The following NIBAN2 variants were observed in gnomAD, a reference collection of about 807,000 sequenced individuals.
The protein encoded by NIBAN2 is protein Niban 2.
NIBAN2 carries 36 observed loss-of-function variants against 81.8 expected under a neutral mutation model. The ratio of observed to expected loss-of-function variants is 0.44; its 90% CI spans 0.34 to 0.58. NIBAN2 has a LOEUF of 0.58. Ranked by LOEUF, NIBAN2 falls within the 20% of genes least tolerant of loss-of-function variation. NIBAN2 has a pLI of 0.02. For synonymous variants in NIBAN2, 445 were observed against 441.6 expected (o/e 1.01, Z -0.10); for missense variants, 897 against 1,014.1 (o/e 0.88, Z 1.57).
chr9:127,525,519 G>A (rs778068108), intron 3 of NIBAN2, among the ~76,000 whole-genome samples: 15 of 152,102 alleles, frequency 9.9e-5, no homozygotes, highest in Non-Finnish European at 1.9e-4. Context: ...AACAAAACCA[G>A]GGTAATAACC....
At chr9:127,520,102 C>A (rs1183106478) in intron 5 of NIBAN2, among the ~76,000 whole-genome samples, 1 of 152,192 alleles carries the variant, frequency 6.6e-6, no homozygotes, top group African/African-American at 2.4e-5. Flanking sequence ...TTCAGGGTCA[C>A]CCCTCCTGAG....
At chr9:127,555,794 G>A (rs1272849779) in intron 1 of NIBAN2, among the ~76,000 whole-genome samples, 1 of 152,222 alleles carries the variant, frequency 6.6e-6, no homozygotes, top group African/African-American at 2.4e-5. Flanking sequence ...TTTCTTTATA[G>A]CAATTCGCCC....
At position 127,545,722 on chromosome 9, in the gene NIBAN2, A is replaced by G. The variant is rs1046070099; in HGVS notation, c.56-13944T>C. 1.3e-5 allele frequency among the ~76,000 whole-genome samples: 2 copies of G among 152,138 alleles called. No homozygotes were observed. Among genetic ancestry groups the G allele is most frequent in the African/African-American group, 4.8e-5 (2 of 41,428 alleles). On this transcript the variant is annotated intron_variant, in intron 1 of 13. Transcript: ENST00000373312. The surrounding 1 kb of genome is among the most constrained non-coding windows in gnomAD (Gnocchi z 4.7). ...GAGGAGAGGGCGGGGCTGAGGCGGG[A>G]GCCCAGAGAAATGCACCCAAAAAAA...
Position 127,536,081 on chromosome 9 carries a change from C to T in NIBAN2, c.56-4303G>A, listed in dbSNP as rs1180669102. The stretch of plus-strand genomic sequence containing the variant: ...AAAGGGAGGACCATGGGAAACAGGG[C>T]CACGGATGGCTCCTTGGCAGGGGTA... On this transcript the variant is annotated intron_variant, in intron 1 of 13. Coordinates refer to ENST00000373312, the MANE Select transcript of NIBAN2 (RefSeq NM_022833.4). This position sits in a 1 kb window ranked among gnomAD's most constrained non-coding sequence, Gnocchi z 4.0. Among the ~76,000 whole-genome samples, 1 of 152,124 alleles carries T rather than the reference C, an allele frequency of 6.6e-6. No individual in the cohort carries two copies. The highest frequency in any genetic ancestry group is 1.5e-5 in the Non-Finnish European group (1 of 68,036).
chr9:127,508,351 G>A lies in NIBAN2; in HGVS notation c.1434+71C>T. ...TCCTTGCAGGGACAGCAATCCTGGT[G>A]GTGGCCGGGGATGAGGCTCGGGGCT... On this transcript the variant is annotated intron_variant, in intron 11 of 13. Transcript: ENST00000373312. This position sits in a 1 kb window ranked among gnomAD's most constrained non-coding sequence, Gnocchi z 6.4. 3.5e-6 allele frequency: 5 copies of A among 1,418,802 alleles called. No individual in the cohort carries two copies. The highest frequency in any genetic ancestry group is 4.9e-6 in the Non-Finnish European group (5 of 1,013,192). 87.9% of individuals were successfully genotyped at this position (1,418,802 alleles called of 1,614,324 possible).
intron 1 of NIBAN2, among the ~76,000 whole-genome samples, chr9:127,541,844 C>T (rs1292636088): frequency 6.6e-6 from 1 of 152,110 alleles, no homozygotes; most frequent in Admixed American, 6.5e-5. Flanking sequence ...ACCCCTGGGA[C>T]CCCCCTTCTG....
At chr9:127,547,356 A>C (rs749088140) in intron 1 of NIBAN2, among the ~76,000 whole-genome samples, 2 of 151,614 alleles carry the variant, frequency 1.3e-5, no homozygotes, top group Non-Finnish European at 2.9e-5. Context: ...GTCTCTACTA[A>C]AAATACAAAA....
intron 2 of NIBAN2, among the ~76,000 whole-genome samples, chr9:127,529,737 T>C (rs182406510): frequency 1.1e-3 from 167 of 152,360 alleles, no homozygotes; most frequent in African/African-American, 4.0e-3. Flanking sequence ...TTGTATTCTA[T>C]TATTGTTTCT....
chr9:127,527,253 T>C lies in NIBAN2; in HGVS notation c.256A>G (p.Arg86Gly). 6.2e-7 allele frequency: 1 copy of C among 1,613,894 alleles called. No individual in the cohort carries two copies. Among genetic ancestry groups the C allele is most frequent in the Non-Finnish European group, 8.5e-7 (1 of 1,179,956 alleles). ...TGGGGCACGAGGCTGAAGCGGTTTC[T>C]CCACTTCTTGCTGTCCTCCTGGTGC... ...FQHQEDSKKWRNRFSLVPHNY... is the reference protein window; with the variant it reads ...FQHQEDSKKWGNRFSLVPHNY... The change falls in exon 3 of 14, where the codon AGA becomes GGA. Residue 86 changes from arginine (R) to glycine (G), a missense_variant. This residue lies in a region of NIBAN2 where 209 missense variants were observed against 208.4 expected (regional missense o/e 1.00). Coordinates refer to ENST00000373312, the MANE Select transcript of NIBAN2 (RefSeq NM_022833.4).
intron 1 of NIBAN2, among the ~76,000 whole-genome samples, chr9:127,575,049 C>T (rs1231612387): frequency 6.6e-6 from 1 of 152,174 alleles, no homozygotes; most frequent in South Asian, 2.1e-4. Flanking sequence ...CCTTGCCATT[C>T]CCCCACTTCT....
intron 8 of NIBAN2, 117 bp from the exon 9 acceptor site, chr9:127,510,450 T>A: frequency 1.5e-6 from 1 of 666,690 alleles, no homozygotes; most frequent in East Asian, 3.4e-5. Flanking sequence ...TATTATATTT[T>A]TTTTGAGACG....
chr9:127,573,309 G>T (rs1162568463), upstream of NIBAN2, among the ~76,000 whole-genome samples: 1 of 150,342 alleles, frequency 6.7e-6, no homozygotes, highest in Non-Finnish European at 1.5e-5. Flanking sequence ...AACAGAATTT[G>T]TTGTTTTTTT....
intron 1 of NIBAN2, among the ~76,000 whole-genome samples, chr9:127,564,420 C>T (rs1428720792): frequency 6.6e-6 from 1 of 151,986 alleles, no homozygotes; most frequent in African/African-American, 2.4e-5. Flanking sequence ...TGGAAACAAC[C>T]CAAATGCCCA....
At chr9:127,566,001 G>A (rs569059077) in intron 1 of NIBAN2, among the ~76,000 whole-genome samples, 10 of 149,374 alleles carry the variant, frequency 6.7e-5, no homozygotes, top group African/African-American at 1.5e-4. Context: ...GCATGGTGGC[G>A]CATGCCTGTA....
intron 1 of NIBAN2, among the ~76,000 whole-genome samples, chr9:127,557,213 G>C (rs1316152290): frequency 1.3e-5 from 2 of 152,172 alleles, no homozygotes; most frequent in African/African-American, 4.8e-5. Flanking sequence ...CTTGGTCTGT[G>C]AGGGCATTTC....
intron 9 of NIBAN2, 123 bp from the exon 10 acceptor site, chr9:127,509,254 GC>G: frequency 3.4e-6 from 3 of 882,466 alleles, no homozygotes; most frequent in Non-Finnish European, 5.1e-6. Flanking sequence ...ACCAGGGATG[GC>G]CACCTGGTGC....
intron 1 of NIBAN2, among the ~76,000 whole-genome samples, chr9:127,540,493 T>C (rs1837358085): frequency 6.6e-6 from 1 of 152,224 alleles, no homozygotes; most frequent in South Asian, 2.1e-4. Context: ...GTGCCGCTCC[T>C]GTGCTAAGCA....
In NIBAN2 at chr9:127,508,414, C is replaced by A. The variant is rs1836657521; in HGVS notation, c.1434+8G>T. The stretch of plus-strand genomic sequence containing the variant: ...GGACGGTCCGGGGCAGGGCGTGGGG[C>A]CGCTCACCTTCAGCACCCGCTCCAG... On this transcript the variant is annotated splice_region_variant and intron_variant, in intron 11 of 13. Coordinates refer to ENST00000373312, the MANE Select transcript of NIBAN2 (RefSeq NM_022833.4). This position sits in a 1 kb window ranked among gnomAD's most constrained non-coding sequence, Gnocchi z 6.4. The A allele has an allele frequency of 2.5e-6, 4 of 1,602,750 alleles. No individual in the cohort carries two copies. Among genetic ancestry groups the A allele is most frequent in the Non-Finnish European group, 3.4e-6 (4 of 1,175,568 alleles).
At chr9:127,513,123 C>T (rs1836766791) in intron 8 of NIBAN2, among the ~76,000 whole-genome samples, 1 of 152,182 alleles carries the variant, frequency 6.6e-6, no homozygotes, top group Admixed American at 6.5e-5. Context: ...AGACAAATAT[C>T]ACATGTCCTC....
Sources: gnomAD v4.1 joint callset for allele counts (sites outside exome capture counted in the v4.1 genomes callset) on GRCh38, gnomAD v4.1.1 for gene constraint, gnomAD v4.1.1 regional missense constraint, Gnocchi (gnomAD v3.1) non-coding constraint, MANE v1.5 for transcripts, NCBI Gene and HGNC (gene_info 2026-07-23, HGNC 2026-07-21) for gene names.